The following CEP170 variants were observed in gnomAD, a reference collection of about 807,000 sequenced individuals.
The protein encoded by CEP170 is centrosomal protein of 170 kDa.
CEP170 carries 21 observed loss-of-function variants against 151.9 expected under a neutral mutation model. The ratio of observed to expected loss-of-function variants is 0.14; its 90% CI spans 0.10 to 0.20. The LOEUF (loss-of-function observed/expected upper bound fraction) is 0.20. CEP170 is among the 10% of genes least tolerant of loss of function. The pLI is 1.00. For synonymous variants in CEP170, 356 were observed against 648.8 expected (o/e 0.55, Z 6.86); for missense variants, 964 against 1,892.9 (o/e 0.51, Z 9.11).
At chr1:243,160,041 A>G (rs1288120593) in intron 13 of CEP170, among the ~76,000 whole-genome samples, 1 of 152,098 alleles carries the variant, frequency 6.6e-6, no homozygotes, top group Non-Finnish European at 1.5e-5. Flanking sequence ...CATCTGCCTC[A>G]GCCTCCCAAA....
chr1:243,145,400 G>A (rs1257323960), intron 14 of CEP170, among the ~76,000 whole-genome samples: 2 of 152,104 alleles, frequency 1.3e-5, no homozygotes, highest in South Asian at 2.1e-4. Flanking sequence ...TCAGACTACC[G>A]AGTAGCCAGG....
At chr1:243,172,593 T>C (rs1229284723) in intron 11 of CEP170, 104 bp downstream of exon 11, 43 of 941,090 alleles carry the variant, frequency 4.6e-5, no homozygotes, top group Non-Finnish European at 6.1e-5. Flanking sequence ...GATCCTGCCA[T>C]TGCACTCCAG....
intron 17 of CEP170, among the ~76,000 whole-genome samples, chr1:243,134,725 C>T (rs2054835969): frequency 6.6e-6 from 1 of 150,394 alleles, no homozygotes; most frequent in South Asian, 2.1e-4. Context: ...AAGTCCTAGG[C>T]TCAAATGATC....
rs2058954723 is a variant in CEP170, at chr1:243,172,838, T to C, written c.1575A>G (p.Gly525=). 3 of 1,561,076 alleles carry C rather than the reference T, an allele frequency of 1.9e-6. No individual in the cohort carries two copies. The African/African-American group carries it at 4.1e-5, about 21-fold the overall frequency. Residue 525 remains glycine (G), a synonymous_variant, in exon 11 of 20, where the codon GGA becomes GGG. Transcript: ENST00000366542. ...TATTATAATCCTGATTGTCATCTAC[T>C]CCAAACACCTAGAGGGAAAAATTAT... The part of the protein sequence containing the change: ...EARKMIDKVF[G]VDDNQDYNRP...
In CEP170 at chr1:243,126,615, G is replaced by A. The variant is rs745314481; in HGVS notation, c.4589C>T (p.Pro1530Leu). The A allele has an allele frequency of 1.7e-4, 260 of 1,571,012 alleles. No homozygotes were observed. The highest frequency in any genetic ancestry group is 2.1e-4 in the Non-Finnish European group (238 of 1,157,014). ...KSSPVNNHHS[P>L]GQTPTLGQPE... ...TTGGCCAAGTGTTGGTGTCTGACCC[G>A]GGCTGTGGTGGTTATTCACAGGGCT... Residue 1530 changes from proline (P) to leucine (L), a missense_variant, in exon 20 of 20, where the codon CCG becomes CTG. Physicochemically the swap from Pro to Leu is moderately conservative, Grantham distance 98. Coordinates refer to ENST00000366542, the MANE Select transcript of CEP170 (RefSeq NM_014812.3).
chr1:243,154,342 A>G (rs1221655591), intron 14 of CEP170, among the ~76,000 whole-genome samples: 8 of 152,374 alleles, frequency 5.3e-5, no homozygotes, highest in African/African-American at 1.9e-4. Context: ...AAATAAAATT[A>G]TTTCTCATAT....
At chr1:243,172,354 GC>G (rs985025337) in intron 11 of CEP170, among the ~76,000 whole-genome samples, 19 of 152,292 alleles carry the variant, frequency 1.2e-4, no homozygotes, top group African/African-American at 4.6e-4. Context: ...AAGAATTCAG[GC>G]CAAGTGCGGT....
At chr1:243,173,502 G>A (rs1489279030) in intron 10 of CEP170, among the ~76,000 whole-genome samples, 10 of 151,638 alleles carry the variant, frequency 6.6e-5, no homozygotes, top group African/African-American at 1.9e-4. Flanking sequence ...TTGGGAGGCC[G>A]AGGCGAGCAG....
chr1:243,241,459 T>C (rs2064825499), intron 1 of CEP170, among the ~76,000 whole-genome samples: 1 of 152,164 alleles, frequency 6.6e-6, no homozygotes, highest in Non-Finnish European at 1.5e-5. Flanking sequence ...AAGGTGATGA[T>C]ATGATGAGAG....
chr1:243,227,523 A>T (rs4634890), intron 1 of CEP170, among the ~76,000 whole-genome samples: 1 of 152,030 alleles, frequency 6.6e-6, no homozygotes, highest in East Asian at 1.9e-4. Flanking sequence ...AATATTCAAA[A>T]GATGTGATTC....
intron 8 of CEP170, 168 bp from the exon 9 acceptor site, chr1:243,186,590 C>A (rs763857852): frequency 1.2e-5 from 7 of 605,328 alleles, no homozygotes; most frequent in Non-Finnish European, 2.0e-5. Flanking sequence ...GCAATGGTTA[C>A]ATTCAAATTT....
At chr1:243,134,822 G>A (rs530179091) in intron 17 of CEP170, among the ~76,000 whole-genome samples, 2 of 152,124 alleles carry the variant, frequency 1.3e-5, no homozygotes, top group Admixed American at 6.5e-5. Context: ...AAGGCAGCAT[G>A]CCTCATATGC....
intron 14 of CEP170, among the ~76,000 whole-genome samples, chr1:243,148,586 T>C (rs1246213535): frequency 1.3e-5 from 2 of 152,040 alleles, no homozygotes; most frequent in African/African-American, 4.8e-5. Flanking sequence ...TAAAATAACA[T>C]AATTTTAAAA....
intron 10 of CEP170, among the ~76,000 whole-genome samples, chr1:243,173,944 T>C (rs1364319664): frequency 3.9e-5 from 6 of 152,218 alleles, no homozygotes; most frequent in Admixed American, 2.0e-4. Flanking sequence ...CATTTAGGCA[T>C]GAAATTTTCT....
intron 3 of CEP170, among the ~76,000 whole-genome samples, chr1:243,214,594 T>TTTTTTTTTTTTTTTTTTTTTTTTTTG (rs1435724022): frequency 6.6e-6 from 1 of 151,600 alleles, no homozygotes; most frequent in Non-Finnish European, 1.5e-5. Context: ...CCAAAATTTT[T>TTTTTTTTTTTTTTTTTTTTTTTTTTG]AAAACACTGT....
At chr1:243,187,026 G>A (rs370617805) in intron 8 of CEP170, among the ~76,000 whole-genome samples, 1 of 152,140 alleles carries the variant, frequency 6.6e-6, no homozygotes, top group African/African-American at 2.4e-5. Context: ...CCAGCTATGA[G>A]AATTTTTGAA....
At chr1:243,177,296 G>A (rs916743543) in intron 10 of CEP170, among the ~76,000 whole-genome samples, 9 of 152,162 alleles carry the variant, frequency 5.9e-5, no homozygotes, top group African/African-American at 2.2e-4. Context: ...TAGCAATAGT[G>A]CTAATTTATT....
rs374582611 is a variant in CEP170 at position 243,225,326 on chromosome 1, A to C, written c.-41-5T>G. The C allele has an allele frequency of 7.4e-6, 9 of 1,211,514 alleles. No individual in the cohort carries two copies. The highest frequency in any genetic ancestry group is 1.0e-5 in the Non-Finnish European group (9 of 868,926). 75.0% of individuals were successfully genotyped at this position (1,211,514 alleles called of 1,614,324 possible). ...CTTTGGCAAAGCTACGTCATCCTGA[A>C]GAGAAACATGAAGAAAAATATACGT... On this transcript the variant is annotated splice_region_variant and splice_polypyrimidine_tract_variant and intron_variant, in intron 1 of 19. Transcript: ENST00000366542.
chr1:243,156,360 G>A lies in CEP170; in HGVS notation c.3772C>T (p.Arg1258Cys). ...GTGGTTTTCAGGGCTGGAGAAGTAC[G>A]TAGACGGGTATGTTTAGGGGAATTA... ...NRNSPKHTRL[R>C]TSPALKTTRL... The change falls in exon 14 of 20, where the codon CGT (arginine) becomes TGT (cysteine). Residue 1258 changes from arginine (R) to cysteine (C), a missense_variant. Arg to Cys is a radical substitution (Grantham distance 180). Transcript: ENST00000366542. The A allele has an allele frequency of 1.3e-6, 2 of 1,578,978 alleles. No individual in the cohort carries two copies. Among genetic ancestry groups the A allele is most frequent in the Non-Finnish European group, 1.7e-6 (2 of 1,162,152 alleles).
Sources: gnomAD v4.1 joint callset for allele counts (sites outside exome capture counted in the v4.1 genomes callset) on GRCh38, gnomAD v4.1.1 for gene constraint, MANE v1.5 for transcripts, NCBI Gene and HGNC (gene_info 2026-07-23, HGNC 2026-07-21) for gene names.